The following NDST3 variants were observed in gnomAD, a reference collection of about 807,000 sequenced individuals.
NDST3 encodes bifunctional heparan sulfate N-deacetylase/N-sulfotransferase 3.
In NDST3, 58 loss-of-function variants were observed where a neutral mutation model predicts 96.1. The ratio of observed to expected loss-of-function variants is 0.60; its 90% CI spans 0.49 to 0.75. The LOEUF (loss-of-function observed/expected upper bound fraction) is 0.75, where lower values mean the gene tolerates loss of function less well. NDST3 is among the 30% of genes least tolerant of loss of function. The pLI, the probability that NDST3 is intolerant of heterozygous loss-of-function variation, is 0.00. For missense variants in NDST3, 788 were observed against 1,034.2 expected (o/e 0.76, Z 3.27); for synonymous variants, 333 against 359.7 (o/e 0.93, Z 0.84).
chr4:118,126,626 C>T (rs748963571), intron 4 of NDST3, among the ~76,000 whole-genome samples: 1 of 151,510 alleles, frequency 6.6e-6, no homozygotes, highest in Non-Finnish European at 1.5e-5. Context: ...CAAATCCTGG[C>T]TATTGTAAAC....
chr4:118,104,997 T>G, intron 2 of NDST3, 21 bp from the exon 3 acceptor site: 1 of 1,601,510 alleles, frequency 6.2e-7, no homozygotes, highest in Admixed American at 1.7e-5. Flanking sequence ...CCTGATACAT[T>G]TTTTAAATTA....
chr4:118,245,075 A>G (rs2126009346), intron 12 of NDST3, among the ~76,000 whole-genome samples: 1 of 152,308 alleles, frequency 6.6e-6, no homozygotes, highest in South Asian at 2.1e-4. Context: ...GTTACATGTT[A>G]TATAGTGTTT....
At chr4:118,182,070 T>C (rs917452127) in intron 6 of NDST3, among the ~76,000 whole-genome samples, 2 of 152,080 alleles carry the variant, frequency 1.3e-5, no homozygotes, top group African/African-American at 2.4e-5. Context: ...ATTCAGACAA[T>C]GCTTTGAGAG....
intron 6 of NDST3, among the ~76,000 whole-genome samples, chr4:118,223,964 C>T (rs1234676621): frequency 6.6e-6 from 1 of 152,130 alleles, no homozygotes; most frequent in Non-Finnish European, 1.5e-5. Flanking sequence ...CAGACCAATG[C>T]AGTCTAACCT....
intron 6 of NDST3, among the ~76,000 whole-genome samples, chr4:118,163,579 C>G: frequency 6.6e-6 from 1 of 151,668 alleles, no homozygotes; most frequent in African/African-American, 2.4e-5. Flanking sequence ...GGAAGGGGAA[C>G]ATTACACTCT....
At chr4:118,108,905 T>C (rs1186959835) in intron 3 of NDST3, among the ~76,000 whole-genome samples, 2 of 152,206 alleles carry the variant, frequency 1.3e-5, no homozygotes, top group African/African-American at 2.4e-5. Context: ...GGGAACCTCA[T>C]GATTATGTTT....
intron 6 of NDST3, among the ~76,000 whole-genome samples, chr4:118,203,175 G>A (rs537333312): frequency 2.0e-5 from 3 of 152,270 alleles, no homozygotes; most frequent in Non-Finnish European, 4.4e-5. Context: ...ACTTGATCAT[G>A]TTTTACTAAC....
chr4:118,087,081 C>T (rs1209806218), intron 2 of NDST3, among the ~76,000 whole-genome samples: 3 of 151,988 alleles, frequency 2.0e-5, no homozygotes, highest in Non-Finnish European at 2.9e-5. Context: ...CAGCTTAGAC[C>T]ATATGGAAAT....
intron 12 of NDST3, among the ~76,000 whole-genome samples, chr4:118,245,662 G>A (rs1741267853): frequency 6.6e-6 from 1 of 152,018 alleles, no homozygotes; most frequent in Non-Finnish European, 1.5e-5. Context: ...TCTCTGGATG[G>A]CATGAAAGAA....
chr4:118,202,522 A>C (rs1385492827), intron 6 of NDST3, among the ~76,000 whole-genome samples: 2 of 151,992 alleles, frequency 1.3e-5, no homozygotes, highest in African/African-American at 2.4e-5. Flanking sequence ...CTTTGTAGAG[A>C]TCTTTCACCT....
At chr4:118,110,731 A>G (rs1343206659) in intron 3 of NDST3, among the ~76,000 whole-genome samples, 1 of 152,224 alleles carries the variant, frequency 6.6e-6, no homozygotes, top group African/African-American at 2.4e-5. Context: ...GGCACTTAAC[A>G]CTGTAGAAAA....
chr4:118,191,000 A>G (rs1376553780), intron 6 of NDST3, among the ~76,000 whole-genome samples: 2 of 152,168 alleles, frequency 1.3e-5, no homozygotes, highest in Non-Finnish European at 2.9e-5. Flanking sequence ...AAGGATTCTC[A>G]TTTGCCAGTT....
At chr4:118,112,149 C>G (rs1169515986) in intron 3 of NDST3, among the ~76,000 whole-genome samples, 2 of 151,626 alleles carry the variant, frequency 1.3e-5, no homozygotes, top group Non-Finnish European at 2.9e-5. Context: ...TATCATTTGT[C>G]TAACTCTTGC....
intron 2 of NDST3, among the ~76,000 whole-genome samples, chr4:118,060,969 A>G (rs868354395): frequency 1.3e-5 from 2 of 152,072 alleles, no homozygotes; most frequent in Admixed American, 6.6e-5. Context: ...TCCTTTGCCA[A>G]CTGTTCACCT....
At chr4:118,129,916 G>GAT (rs1732465227) in intron 4 of NDST3, among the ~76,000 whole-genome samples, 1 of 152,024 alleles carries the variant, frequency 6.6e-6, no homozygotes, top group South Asian at 2.1e-4. Flanking sequence ...TTACGGGGTT[G>GAT]ACTCCTTTAT....
intron 4 of NDST3, among the ~76,000 whole-genome samples, chr4:118,133,463 G>A (rs912942406): frequency 3.9e-5 from 6 of 152,126 alleles, no homozygotes; most frequent in Admixed American, 1.3e-4. Flanking sequence ...TGGCATTGGC[G>A]ATTCAAGACT....
chr4:118,096,255 G>A (rs1729291139), intron 2 of NDST3, among the ~76,000 whole-genome samples: 2 of 151,804 alleles, frequency 1.3e-5, no homozygotes, highest in African/African-American at 2.4e-5. Flanking sequence ...ATATTCTCAT[G>A]TATTGAATGC....
chr4:118,210,648 C>G (rs1433145088), intron 6 of NDST3, among the ~76,000 whole-genome samples: 1 of 151,876 alleles, frequency 6.6e-6, no homozygotes, highest in Non-Finnish European at 1.5e-5. Context: ...TGGTGGCACG[C>G]TCCTGTAGTC....
chr4:118,150,844 C>G (rs1210815298), intron 6 of NDST3, among the ~76,000 whole-genome samples: 2 of 152,056 alleles, frequency 1.3e-5, no homozygotes, highest in East Asian at 1.9e-4. Context: ...CCTCAAGGAT[C>G]TAGAAGTAGA....
Sources: allele counts gnomAD v4.1 joint callset (sites outside exome capture counted in the v4.1 genomes callset), GRCh38; gene constraint gnomAD v4.1.1; transcripts MANE v1.5; gene names NCBI Gene and HGNC (gene_info 2026-07-23, HGNC 2026-07-21).